The following DCAF6 variants were observed in gnomAD, a reference collection of about 807,000 sequenced individuals.
The protein encoded by DCAF6 is DDB1 and CUL4 associated factor 6, also known as DDB1- and CUL4-associated factor 6.
In DCAF6, 54 loss-of-function variants were observed where a neutral mutation model predicts 125.1. The observed-to-expected ratio is 0.43, with a 90% CI of 0.35 to 0.54. DCAF6 has a LOEUF of 0.54. DCAF6 is among the 20% of genes least tolerant of loss of function. The pLI, the probability that DCAF6 is intolerant of heterozygous loss-of-function variation, is 0.01. For synonymous variants in DCAF6, 371 were observed against 390.4 expected (o/e 0.95, Z 0.58); for missense variants, 934 against 1,161.7 (o/e 0.80, Z 2.85).
chr1:167,933,328 C>T (rs1330660224), upstream of DCAF6, among the ~76,000 whole-genome samples: 2 of 152,038 alleles, frequency 1.3e-5, no homozygotes, highest in African/African-American at 2.4e-5. Flanking sequence ...CCACTACACC[C>T]GGCTAATTTT....
chr1:168,066,368 T>C lies in DCAF6; in HGVS notation c.2597-9T>C. The C allele has an allele frequency of 6.4e-7, 1 of 1,555,818 alleles. No homozygotes were observed. The highest frequency in any genetic ancestry group is 8.8e-7 in the Non-Finnish European group (1 of 1,138,090). Reference sequence around the variant, plus strand: ...AGGCTTCATATTAATATATAAATTTTATTTCTAGTTTTAGCCTCATCTGGC... The same window carrying C: ...AGGCTTCATATTAATATATAAATTTCATTTCTAGTTTTAGCCTCATCTGGC... On this transcript the variant is annotated splice_polypyrimidine_tract_variant and intron_variant, in intron 19 of 21. Transcript: ENST00000367840.
At chr1:167,949,018 T>A (rs1346938829) in intron 1 of DCAF6, among the ~76,000 whole-genome samples, 1 of 152,226 alleles carries the variant, frequency 6.6e-6, no homozygotes, top group African/African-American at 2.4e-5. Flanking sequence ...TCCCAGTCAT[T>A]TATTCACTGA....
At chr1:168,063,849 T>G in intron 18 of DCAF6, 90 bp downstream of exon 18, 2 of 1,292,146 alleles carry the variant, frequency 1.5e-6, no homozygotes, top group Non-Finnish European at 2.2e-6. Flanking sequence ...ATATTGCCAA[T>G]GGGATTTCAG....
intron 16 of DCAF6, among the ~76,000 whole-genome samples, chr1:168,047,925 A>G (rs544540397): frequency 1.3e-3 from 198 of 152,266 alleles, no homozygotes; most frequent in Admixed American, 3.1e-3. Context: ...GAACAACTGT[A>G]AAAAAGTATA....
At chr1:167,928,183 C>G in the DCAF6 span, among the ~76,000 whole-genome samples, 1 of 152,070 alleles carries the variant, frequency 6.6e-6, no homozygotes, top group African/African-American at 2.4e-5. Context: ...CCTGTCTCTA[C>G]TAAAAATACA....
At chr1:167,960,737 C>T (rs1675459939) in intron 2 of DCAF6, among the ~76,000 whole-genome samples, 1 of 152,018 alleles carries the variant, frequency 6.6e-6, no homozygotes, top group Non-Finnish European at 1.5e-5. Flanking sequence ...ATTTTAAGGC[C>T]TCAAATATGG....
chr1:168,007,524 A>G (rs909850758), intron 10 of DCAF6, among the ~76,000 whole-genome samples: 2 of 151,912 alleles, frequency 1.3e-5, no homozygotes, highest in African/African-American at 4.8e-5. Flanking sequence ...CTTTTAATCA[A>G]AGTCACTAGT....
intron 2 of DCAF6, among the ~76,000 whole-genome samples, chr1:167,955,615 G>A (rs1331463832): frequency 6.6e-6 from 1 of 150,858 alleles, no homozygotes; most frequent in Non-Finnish European, 1.5e-5. Context: ...GATATTCTAT[G>A]TAAATAATCA....
chr1:167,871,245 T>C, the DCAF6 span, among the ~76,000 whole-genome samples: 2 of 152,198 alleles, frequency 1.3e-5, no homozygotes, highest in African/African-American at 2.4e-5. Context: ...ATGAAGATTA[T>C]ACTTAATTCA....
At chr1:167,869,824 C>T in the DCAF6 span, among the ~76,000 whole-genome samples, 21 of 151,974 alleles carry the variant, frequency 1.4e-4, no homozygotes, top group Admixed American at 2.6e-4. Context: ...GCTAGCCTGC[C>T]GATTCTCCCA....
the DCAF6 span, among the ~76,000 whole-genome samples, chr1:167,869,058 G>A: frequency 6.6e-6 from 1 of 152,096 alleles, no homozygotes. Context: ...GATAATCAAA[G>A]GCAAGTAGTT....
chr1:168,036,423 A>T (rs944910554), intron 12 of DCAF6, among the ~76,000 whole-genome samples: 1 of 152,012 alleles, frequency 6.6e-6, no homozygotes, highest in African/African-American at 2.4e-5. Flanking sequence ...CTTTACCTTA[A>T]AAGAAAAATA....
At chr1:167,977,460 AT>A (rs1678425738) in intron 4 of DCAF6, among the ~76,000 whole-genome samples, 1 of 152,040 alleles carries the variant, frequency 6.6e-6, no homozygotes, top group Non-Finnish European at 1.5e-5. Flanking sequence ...CATCAGTCTA[AT>A]TGTGGTTCCT....
chr1:167,919,856 T>A, the DCAF6 span: 126,954 of 577,974 alleles, frequency 0.22, 15,509 homozygotes, highest in Admixed American at 0.39. Flanking sequence ...ATGAATCTTT[T>A]AAAAAAATTA....
chr1:167,979,367 G>A (rs1305154854), intron 4 of DCAF6, among the ~76,000 whole-genome samples: 1 of 151,660 alleles, frequency 6.6e-6, no homozygotes, highest in Non-Finnish European at 1.5e-5. Flanking sequence ...TCTATCAACA[G>A]CTCTCCTTTC....
At chr1:167,925,040 A>C in the DCAF6 span, among the ~76,000 whole-genome samples, 1 of 152,330 alleles carries the variant, frequency 6.6e-6, no homozygotes, top group South Asian at 2.1e-4. Context: ...TTTGAAAAGT[A>C]TCACCAGATA....
At chr1:167,875,318 G>T in the DCAF6 span, 1 of 857,764 alleles carries the variant, frequency 1.2e-6, no homozygotes, top group Non-Finnish European at 1.9e-6. Flanking sequence ...TGACTCACGG[G>T]TCGCAAACGC....
At chr1:168,020,525 C>CT (rs1685546145) in intron 11 of DCAF6, among the ~76,000 whole-genome samples, 1 of 151,864 alleles carries the variant, frequency 6.6e-6, no homozygotes, top group Admixed American at 6.6e-5. Flanking sequence ...GTATCTTTAC[C>CT]TTAAAAAAAA....
At chr1:167,889,140 T>A in the DCAF6 span, among the ~76,000 whole-genome samples, 1 of 152,328 alleles carries the variant, frequency 6.6e-6, no homozygotes, top group East Asian at 1.9e-4. Context: ...AAAGTGGGCA[T>A]CCTTGTGTTC....
Sources: gnomAD v4.1 joint callset for allele counts (sites outside exome capture counted in the v4.1 genomes callset) on GRCh38, gnomAD v4.1.1 for gene constraint, MANE v1.5 for transcripts, NCBI Gene and HGNC (gene_info 2026-07-23, HGNC 2026-07-21) for gene names.